The following HPSE2 variants were observed in gnomAD, a reference collection of about 807,000 sequenced individuals.
HPSE2 encodes inactive heparanase-2.
In HPSE2, 38 loss-of-function variants were observed where a neutral mutation model predicts 60.5. The ratio of observed to expected loss-of-function variants is 0.63; its 90% CI spans 0.48 to 0.82. HPSE2 has a LOEUF of 0.82. HPSE2 is among the 40% of genes least tolerant of loss of function. HPSE2 has a pLI of 0.00. For synonymous variants in HPSE2, 295 were observed against 293.2 expected (o/e 1.01, Z -0.06); for missense variants, 713 against 740.4 (o/e 0.96, Z 0.43).
intron 2 of HPSE2, among the ~76,000 whole-genome samples, chr10:99,153,155 G>C (rs1395819769): frequency 3.9e-5 from 6 of 152,340 alleles, no homozygotes; most frequent in Middle Eastern, 3.4e-3. Context: ...CAAACTGCAA[G>C]GCAGCAGCGA....
intron 3 of HPSE2, among the ~76,000 whole-genome samples, chr10:98,894,221 C>T (rs1953419063): frequency 6.6e-6 from 1 of 152,144 alleles, no homozygotes; most frequent in East Asian, 1.9e-4. Context: ...AAAATCATCT[C>T]CAAATAAGTA....
At chr10:99,098,682 A>T (rs1843812589) in intron 3 of HPSE2, among the ~76,000 whole-genome samples, 1 of 152,206 alleles carries the variant, frequency 6.6e-6, no homozygotes, top group Non-Finnish European at 1.5e-5. Flanking sequence ...TATTTATTAC[A>T]CATAGAAAAT....
intron 3 of HPSE2, among the ~76,000 whole-genome samples, chr10:98,748,478 T>C (rs1442896215): frequency 6.6e-6 from 1 of 152,156 alleles, no homozygotes; most frequent in South Asian, 2.1e-4. Flanking sequence ...TTCTACTCCC[T>C]CCACCAGAGG....
intron 4 of HPSE2, among the ~76,000 whole-genome samples, chr10:98,722,500 A>G (rs1045061880): frequency 5.3e-5 from 8 of 152,120 alleles, no homozygotes; most frequent in Non-Finnish European, 8.8e-5. Context: ...TTAAGCCACG[A>G]AATTTGTGAT....
chr10:99,099,204 C>T (rs544698653), intron 3 of HPSE2, among the ~76,000 whole-genome samples: 12 of 152,312 alleles, frequency 7.9e-5, no homozygotes, highest in Middle Eastern at 3.4e-3. Flanking sequence ...CATCGCCTCA[C>T]CCAGCAAGTG....
At chr10:99,067,034 C>A (rs1233168514) in intron 3 of HPSE2, among the ~76,000 whole-genome samples, 1 of 152,200 alleles carries the variant, frequency 6.6e-6, no homozygotes, top group Non-Finnish European at 1.5e-5. Flanking sequence ...AACGAAGGAG[C>A]TATAGACCCT....
At chr10:98,980,188 T>C (rs575188530) in intron 3 of HPSE2, among the ~76,000 whole-genome samples, 3 of 152,306 alleles carry the variant, frequency 2.0e-5, no homozygotes, top group African/African-American at 7.2e-5. Flanking sequence ...TTTTTTAGCC[T>C]GATCTCTAAA....
intron 4 of HPSE2, among the ~76,000 whole-genome samples, chr10:98,739,493 A>G (rs921416456): frequency 1.2e-4 from 19 of 152,120 alleles, no homozygotes; most frequent in African/African-American, 4.3e-4. Flanking sequence ...GTACATAAAT[A>G]CATCATACAT....
At position 99,217,865 on chromosome 10, in the gene HPSE2, T is replaced by A. The variant is rs189419189; in HGVS notation, c.448+14483A>T. Among the ~76,000 whole-genome samples, 420 of 152,204 alleles carry A rather than the reference T, an allele frequency of 2.8e-3. 2 individuals are homozygous for A. Among genetic ancestry groups the A allele is most frequent in the South Asian group, 6.6e-3 (32 of 4,814 alleles). On this transcript the variant is annotated intron_variant, in intron 2 of 11. Coordinates refer to ENST00000370552, the MANE Select transcript of HPSE2 (RefSeq NM_021828.5). ...CCTCACAACGTTTTGGGACTTCAGA[T>A]GTGAGCCACTGTGCCTGCCCCCAAT...
intron 2 of HPSE2, among the ~76,000 whole-genome samples, chr10:99,210,159 A>C (rs2133906574): frequency 6.6e-6 from 1 of 152,338 alleles, no homozygotes; most frequent in South Asian, 2.1e-4. Flanking sequence ...ATGCAAGAAA[A>C]TCGAATAACC....
chr10:98,565,183 G>A (rs1342619311), intron 9 of HPSE2, among the ~76,000 whole-genome samples: 1 of 150,218 alleles, frequency 6.7e-6, no homozygotes, highest in Non-Finnish European at 1.5e-5. Context: ...TTTACTTTAA[G>A]TTCCAGGATA....
chr10:98,919,135 A>G (rs2135055050), intron 3 of HPSE2, among the ~76,000 whole-genome samples: 1 of 152,332 alleles, frequency 6.6e-6, no homozygotes, highest in Middle Eastern at 3.4e-3. Context: ...AGAAATCAAG[A>G]AAAACTTCAA....
intron 2 of HPSE2, among the ~76,000 whole-genome samples, 191 bp downstream of exon 2, chr10:99,232,157 A>G (rs1849665028): frequency 6.6e-6 from 1 of 150,396 alleles, no homozygotes; most frequent in Non-Finnish European, 1.5e-5. Context: ...CCAACTTTTC[A>G]TTTTCAGGCG....
At chr10:99,058,067 A>G (rs1424082166) in intron 3 of HPSE2, among the ~76,000 whole-genome samples, 1 of 152,238 alleles carries the variant, frequency 6.6e-6, no homozygotes, top group Non-Finnish European at 1.5e-5. Context: ...AGACAAGGCA[A>G]AGAGAAGCTA....
At chr10:98,638,252 T>C (rs1376384215) in intron 7 of HPSE2, among the ~76,000 whole-genome samples, 1 of 150,048 alleles carries the variant, frequency 6.7e-6, no homozygotes. Flanking sequence ...AAGACCATCC[T>C]GGCTAACACG....
At chr10:98,888,355 A>G (rs1335017717) in intron 3 of HPSE2, among the ~76,000 whole-genome samples, 1 of 152,192 alleles carries the variant, frequency 6.6e-6, no homozygotes, top group African/African-American at 2.4e-5. Context: ...TCTTTACTGA[A>G]GGTGAAAAGG....
intron 3 of HPSE2, among the ~76,000 whole-genome samples, chr10:98,777,194 T>C (rs1418886616): frequency 6.6e-6 from 1 of 152,148 alleles, no homozygotes; most frequent in African/African-American, 2.4e-5. Context: ...GGGAGGTCAG[T>C]AAGGTTAAAT....
intron 9 of HPSE2, among the ~76,000 whole-genome samples, chr10:98,506,440 T>C (rs1342630059): frequency 6.6e-6 from 1 of 152,104 alleles, no homozygotes. Context: ...TCCCTTTCTT[T>C]CTCCTTTTCT....
At chr10:99,137,927 A>G (rs1306548486) in intron 3 of HPSE2, among the ~76,000 whole-genome samples, 1 of 152,224 alleles carries the variant, frequency 6.6e-6, no homozygotes, top group Non-Finnish European at 1.5e-5. Context: ...TGCACAGCAA[A>G]AGAAACTATT....
Sources: gnomAD v4.1 joint callset for allele counts (sites outside exome capture counted in the v4.1 genomes callset) on GRCh38, gnomAD v4.1.1 for gene constraint, MANE v1.5 for transcripts, NCBI Gene and HGNC (gene_info 2026-07-23, HGNC 2026-07-21) for gene names.